The following ESRRB variants were observed in gnomAD, a reference collection of about 807,000 sequenced individuals.
ESRRB encodes the protein estrogen related receptor beta.
ESRRB carries 16 observed loss-of-function variants against 46.0 expected under a neutral mutation model. That is an observed-to-expected ratio of 0.35 (90% confidence interval 0.24 to 0.53). The LOEUF is 0.53. Ranked by LOEUF, ESRRB falls within the 20% of genes least tolerant of loss-of-function variation. The pLI, the probability that ESRRB is intolerant of heterozygous loss-of-function variation, is 0.93. For synonymous variants in ESRRB, 246 were observed against 259.6 expected (o/e 0.95, Z 0.50); for missense variants, 488 against 607.4 (o/e 0.80, Z 2.07).
intron 2 of ESRRB, among the ~76,000 whole-genome samples, chr14:76,452,626 A>AAAAAAAAAAAAAAAAAAC (rs369877913): frequency 8.0e-6 from 1 of 124,278 alleles, no homozygotes; most frequent in Non-Finnish European, 1.6e-5. Flanking sequence ...TCTCCAAAAA[A>AAAAAAAAAAAAAAAAAAC]AAAAACAAAA....
chr14:76,324,296 G>C (rs1411202156), intron 1 of ESRRB, among the ~76,000 whole-genome samples: 2 of 152,200 alleles, frequency 1.3e-5, no homozygotes, highest in Non-Finnish European at 2.9e-5. Flanking sequence ...TTGGCTGAGA[G>C]CTGCCCCGGC....
At chr14:76,453,985 C>A (rs1402936057) in intron 2 of ESRRB, among the ~76,000 whole-genome samples, 2 of 152,024 alleles carry the variant, frequency 1.3e-5, no homozygotes, top group Non-Finnish European at 2.9e-5. Flanking sequence ...TCATTACAAA[C>A]CAGGCGACTA....
intron 1 of ESRRB, among the ~76,000 whole-genome samples, chr14:76,315,651 C>A (rs936361007): frequency 6.6e-6 from 1 of 152,200 alleles, no homozygotes; most frequent in Non-Finnish European, 1.5e-5. Flanking sequence ...ACGGAGCACT[C>A]GCTTCTGCAC....
chr14:76,362,382 G>A (rs1044271870), intron 1 of ESRRB, among the ~76,000 whole-genome samples: 5 of 152,136 alleles, frequency 3.3e-5, no homozygotes. Flanking sequence ...CCTAGCAACC[G>A]GCTTCATACC....
chr14:76,444,861 T>C (rs1255242729), intron 2 of ESRRB, among the ~76,000 whole-genome samples: 3 of 152,104 alleles, frequency 2.0e-5, no homozygotes, highest in Non-Finnish European at 2.9e-5. Flanking sequence ...CTGTAAATGC[T>C]TGGAAAGCTC....
At chr14:76,467,553 T>C (rs1174865756) in intron 3 of ESRRB, among the ~76,000 whole-genome samples, 1 of 151,634 alleles carries the variant, frequency 6.6e-6, no homozygotes, top group African/African-American at 2.4e-5. Flanking sequence ...ACAACCTCAT[T>C]TACACTCAGC....
intron 1 of ESRRB, among the ~76,000 whole-genome samples, chr14:76,384,492 G>T (rs1472085635): frequency 6.6e-6 from 1 of 152,202 alleles, no homozygotes; most frequent in East Asian, 1.9e-4. Flanking sequence ...AGCAAAAACT[G>T]CCTGGTCTCT....
rs1346395648 is a variant in ESRRB, at chr14:76,500,717, T to C, written c.*2259T>C. 1.2e-6 allele frequency: 2 copies of C among 1,613,956 alleles called. No individual in the cohort carries two copies. Among genetic ancestry groups the C allele is most frequent in the South Asian group, 1.1e-5 (1 of 91,064 alleles). On this transcript the variant is annotated 3_prime_UTR_variant, in exon 7 of 7. Transcript: ENST00000644823. ...TAGGGAAAGCATCTCTGGCTCACCA[T>C]GTAACATCTGGCTTGGAGCAAGTGG...
chr14:76,444,752 G>A (rs1595124476), intron 2 of ESRRB, among the ~76,000 whole-genome samples: 1 of 152,130 alleles, frequency 6.6e-6, no homozygotes, highest in African/African-American at 2.4e-5. Context: ...CTCCAAACCA[G>A]GACATAGTCT....
At chr14:76,365,210 C>T (rs1391597390) in intron 1 of ESRRB, among the ~76,000 whole-genome samples, 1 of 152,222 alleles carries the variant, frequency 6.6e-6, no homozygotes, top group Non-Finnish European at 1.5e-5. Flanking sequence ...CATGGTGGCT[C>T]ACGCCTGTCA....
rs372290140 is a variant in ESRRB, at chr14:76,409,651, A to G, written c.51-29690A>G. ...GGACCTAATCGGATTTGAGCATGAG[A>G]TGGTATCTAATTCCCTGCATCTAGC... On this transcript the variant is annotated intron_variant, in intron 1 of 6. Transcript: ENST00000644823. 5.3e-5 allele frequency among the ~76,000 whole-genome samples: 8 copies of G among 151,794 alleles called. No homozygotes were observed. In the East Asian group the frequency reaches 1.6e-3, roughly 30 times the overall value.
chr14:76,452,030 C>T (rs1017257437), intron 2 of ESRRB, among the ~76,000 whole-genome samples: 9 of 151,846 alleles, frequency 5.9e-5, no homozygotes, highest in Admixed American at 2.0e-4. Context: ...CTGCAACCTC[C>T]GCCTGGGTTC....
intron 1 of ESRRB, among the ~76,000 whole-genome samples, chr14:76,394,226 C>A (rs1885584031): frequency 6.7e-6 from 1 of 149,072 alleles, no homozygotes; most frequent in African/African-American, 2.5e-5. Flanking sequence ...TGATGCTGGG[C>A]TCTTTTCTTT....
At chr14:76,466,133 G>A (rs569303029) in intron 3 of ESRRB, among the ~76,000 whole-genome samples, 102 of 152,256 alleles carry the variant, frequency 6.7e-4, no homozygotes, top group African/African-American at 2.4e-3. Flanking sequence ...CCTTCCCCAG[G>A]GCTGCTCTCC....
intron 1 of ESRRB, among the ~76,000 whole-genome samples, chr14:76,379,856 G>C (rs1595062989): frequency 2.2e-5 from 1 of 45,140 alleles, no homozygotes; most frequent in South Asian, 1.4e-3. Flanking sequence ...AAAAAGATCT[G>C]TTCCAAAAAA....
At chr14:76,403,621 G>A (rs1485780332) in intron 1 of ESRRB, among the ~76,000 whole-genome samples, 3 of 152,182 alleles carry the variant, frequency 2.0e-5, no homozygotes, top group Non-Finnish European at 4.4e-5. Context: ...ACCCTGCTCA[G>A]CTCTACATTT....
intron 1 of ESRRB, among the ~76,000 whole-genome samples, chr14:76,354,765 A>C (rs1314545087): frequency 6.9e-6 from 1 of 145,294 alleles, no homozygotes; most frequent in Non-Finnish European, 1.5e-5. Context: ...GCTGGAGTGC[A>C]ATGGCTCGAT....
At chr14:76,477,856 C>T (rs528637505) in intron 3 of ESRRB, among the ~76,000 whole-genome samples, 29 of 152,196 alleles carry the variant, frequency 1.9e-4, no homozygotes, top group African/African-American at 6.0e-4. Context: ...ATTTGCTGTG[C>T]GCTGGGAGGT....
intron 5 of ESRRB, among the ~76,000 whole-genome samples, chr14:76,489,719 C>T (rs1890150385): frequency 6.6e-6 from 1 of 152,114 alleles, no homozygotes; most frequent in Non-Finnish European, 1.5e-5. Flanking sequence ...GGAGTGACCC[C>T]TAAGGTTCAA....
Sources: gnomAD v4.1 joint callset for allele counts (sites outside exome capture counted in the v4.1 genomes callset) on GRCh38, gnomAD v4.1.1 for gene constraint, MANE v1.5 for transcripts, NCBI Gene and HGNC (gene_info 2026-07-23, HGNC 2026-07-21) for gene names.